Variants in UNC13C observed in about 807,000 individuals in gnomAD.
UNC13C encodes the protein unc-13 homolog C.
UNC13C carries 174 observed loss-of-function variants against 245.4 expected under a neutral mutation model. The ratio of observed to expected loss-of-function variants is 0.71; its 90% CI spans 0.63 to 0.80. UNC13C has a LOEUF of 0.80. Among genes scored for constraint, UNC13C ranks in the 30% least tolerant of loss-of-function variants. The pLI is 0.00. For missense variants in UNC13C, 2,829 were observed against 2,602.9 expected (o/e 1.09, Z -1.89); for synonymous variants, 992 against 895.1 (o/e 1.11, Z -1.93).
chr15:54,396,331 T>C (rs2140922494), intron 18 of UNC13C, among the ~76,000 whole-genome samples: 1 of 151,840 alleles, frequency 6.6e-6, no homozygotes, highest in Admixed American at 6.6e-5. Context: ...GTTATCATTA[T>C]GTGTAAATGT....
At chr15:54,268,007 T>C (rs1705851148) in intron 10 of UNC13C, among the ~76,000 whole-genome samples, 2 of 151,992 alleles carry the variant, frequency 1.3e-5, no homozygotes, top group Admixed American at 1.3e-4. Flanking sequence ...GCAGGTTTGT[T>C]ACATAGGTAT....
intron 2 of UNC13C, among the ~76,000 whole-genome samples, chr15:54,102,797 C>A (rs1336455702): frequency 6.6e-6 from 1 of 152,216 alleles, no homozygotes; most frequent in African/African-American, 2.4e-5. Flanking sequence ...GGGGTGTTCA[C>A]CCAGTTCTGG....
intron 18 of UNC13C, among the ~76,000 whole-genome samples, chr15:54,414,041 A>G (rs1447725279): frequency 6.6e-6 from 1 of 152,204 alleles, no homozygotes; most frequent in Non-Finnish European, 1.5e-5. Flanking sequence ...ACACATGCAA[A>G]CAAAATAAAT....
At chr15:54,624,934 T>C (rs74014273) in intron 32 of UNC13C, among the ~76,000 whole-genome samples, 6,576 of 152,192 alleles carry the variant, frequency 0.043, 494 homozygotes, top group African/African-American at 0.15. Flanking sequence ...ACCATACTTA[T>C]GCCTGAAAAG....
intron 16 of UNC13C, among the ~76,000 whole-genome samples, chr15:54,335,415 A>G (rs2038547948): frequency 6.6e-6 from 1 of 151,840 alleles, no homozygotes; most frequent in Non-Finnish European, 1.5e-5. Flanking sequence ...CTTTTTTCTC[A>G]TTGCAGAGAG....
At chr15:53,952,039 T>C in the UNC13C span, among the ~76,000 whole-genome samples, 1 of 152,172 alleles carries the variant, frequency 6.6e-6, no homozygotes, top group African/African-American at 2.4e-5. Context: ...GGTTTATGTA[T>C]CAGCAATAGG....
intron 30 of UNC13C, among the ~76,000 whole-genome samples, chr15:54,573,034 AT>A (rs1488586670): frequency 2.0e-5 from 3 of 151,954 alleles, no homozygotes; most frequent in Admixed American, 6.6e-5. Context: ...CTTATAATCA[AT>A]TTTTTTCACT....
intron 10 of UNC13C, among the ~76,000 whole-genome samples, chr15:54,284,189 T>C (rs972401520): frequency 7.2e-5 from 11 of 152,208 alleles, no homozygotes; most frequent in African/African-American, 2.4e-4. Flanking sequence ...GAAGATAATT[T>C]CCTTATTAAA....
chr15:54,537,766 A>G (rs1596534218), intron 26 of UNC13C, among the ~76,000 whole-genome samples: 1 of 152,110 alleles, frequency 6.6e-6, no homozygotes, highest in East Asian at 1.9e-4. Flanking sequence ...TGGTGTTGTT[A>G]GAATAACTGG....
intron 19 of UNC13C, among the ~76,000 whole-genome samples, chr15:54,490,308 A>G (rs1341798561): frequency 2.0e-5 from 3 of 152,190 alleles, no homozygotes; most frequent in African/African-American, 4.8e-5. Context: ...CTCCTTTCCC[A>G]TATCCATCCT....
rs113644991 is a variant in UNC13C, at chr15:54,048,867, A to G, written c.2983+32981A>G. The G allele has an allele frequency of 6.5e-3, 1,618 of 250,502 alleles. 33 individuals carry two copies. Among genetic ancestry groups the G allele is most frequent in the African/African-American group, 0.036 (1,532 of 43,090 alleles). The allele number at this position is 250,502 out of a possible 1,614,324, so 15.5% of individuals were successfully genotyped here. The stretch of plus-strand genomic sequence containing the variant: ...GAATTCGTTTGTATCCCTTTCACGT[A>G]ATGTTTTAGGCAAAGTGTCACTGTC... On this transcript the variant is annotated intron_variant, in intron 2 of 32. Coordinates refer to ENST00000260323, the MANE Select transcript of UNC13C (RefSeq NM_001080534.3).
intron 17 of UNC13C, among the ~76,000 whole-genome samples, chr15:54,355,708 A>G (rs2039080102): frequency 6.6e-6 from 1 of 152,038 alleles, no homozygotes. Context: ...TTGTTAATAT[A>G]TTTCTCAGGC....
the UNC13C span, among the ~76,000 whole-genome samples, chr15:53,879,210 GC>G: frequency 6.6e-6 from 1 of 152,276 alleles, no homozygotes; most frequent in Admixed American, 6.5e-5. Flanking sequence ...TGACCAGGCT[GC>G]AGTGCAATAG....
chr15:54,220,729 A>G (rs2035200575), intron 4 of UNC13C, among the ~76,000 whole-genome samples: 1 of 151,996 alleles, frequency 6.6e-6, no homozygotes, highest in Non-Finnish European at 1.5e-5. Context: ...GTACACTGGG[A>G]AAGAATCACT....
At chr15:54,396,949 G>T (rs539163756) in intron 18 of UNC13C, among the ~76,000 whole-genome samples, 10 of 150,622 alleles carry the variant, frequency 6.6e-5, no homozygotes, top group African/African-American at 2.4e-4. Context: ...TGCAGTATAT[G>T]CTTCTAGCTT....
At chr15:53,903,019 T>A in the UNC13C span, among the ~76,000 whole-genome samples, 1 of 152,194 alleles carries the variant, frequency 6.6e-6, no homozygotes, top group South Asian at 2.1e-4. Flanking sequence ...CCAGTGATGA[T>A]CATACAGTCA....
At chr15:54,471,884 T>G (rs774693015) in intron 19 of UNC13C, among the ~76,000 whole-genome samples, 28 of 151,638 alleles carry the variant, frequency 1.8e-4, no homozygotes, top group Non-Finnish European at 3.3e-4. Context: ...TAGCATATAG[T>G]TGGGTCTTTT....
chr15:54,110,758 C>T (rs968448552), intron 2 of UNC13C, among the ~76,000 whole-genome samples: 16 of 151,830 alleles, frequency 1.1e-4, no homozygotes, highest in African/African-American at 3.1e-4. Context: ...TAATTTTTTC[C>T]CTTTCTAGTG....
At chr15:54,155,454 T>C (rs1319146284) in intron 4 of UNC13C, among the ~76,000 whole-genome samples, 2 of 152,218 alleles carry the variant, frequency 1.3e-5, no homozygotes, top group Admixed American at 1.3e-4. Context: ...GTTTTCTTTA[T>C]AAGAGGAGCG....
Sources: gnomAD v4.1 joint callset for allele counts (sites outside exome capture counted in the v4.1 genomes callset) on GRCh38, gnomAD v4.1.1 for gene constraint, MANE v1.5 for transcripts, NCBI Gene and HGNC (gene_info 2026-07-23, HGNC 2026-07-21) for gene names.